Variants in BANK1 observed in about 807,000 individuals in gnomAD.
BANK1 encodes B cell scaffold protein with ankyrin repeats 1.
A neutral mutation model predicts 94.5 loss-of-function variants in BANK1; 95 were observed. The ratio of observed to expected loss-of-function variants is 1.00; its 90% CI spans 0.85 to 1.19. The LOEUF is 1.19. BANK1 is among the 50% of genes most tolerant of loss of function. The pLI is 0.00. For synonymous variants in BANK1, 334 were observed against 308.4 expected (o/e 1.08, Z -0.87); for missense variants, 987 against 932.2 (o/e 1.06, Z -0.77).
intron 6 of BANK1, among the ~76,000 whole-genome samples, chr4:101,901,206 A>G (rs1182466912): frequency 6.6e-6 from 1 of 152,226 alleles, no homozygotes; most frequent in East Asian, 1.9e-4. Context: ...CAGTACCAAT[A>G]GGTATTATTT....
At chr4:101,952,708 C>T (rs748535788) in intron 7 of BANK1, among the ~76,000 whole-genome samples, 1 of 152,024 alleles carries the variant, frequency 6.6e-6, no homozygotes, top group Non-Finnish European at 1.5e-5. Context: ...ACGGCAAATC[C>T]ATGAGGCAGG....
intron 11 of BANK1, among the ~76,000 whole-genome samples, chr4:102,053,884 TA>T (rs573644460): frequency 1.3e-5 from 2 of 151,742 alleles, no homozygotes; most frequent in African/African-American, 2.4e-5. Context: ...ACTTTATTAA[TA>T]AAAAAAGATA....
At chr4:101,957,777 T>G (rs1724396371) in intron 7 of BANK1, among the ~76,000 whole-genome samples, 1 of 152,172 alleles carries the variant, frequency 6.6e-6, no homozygotes, top group African/African-American at 2.4e-5. Flanking sequence ...TTCTCCACTC[T>G]GTGTTTGTGA....
In BANK1 at chr4:102,009,553, A is replaced by G. The variant is rs960247343; in HGVS notation, c.1207-11961A>G. ...TGATTCTTGATTTATAGTAATTGTT[A>G]GGTGACTTGCCACATTCCTCCTTGT... On this transcript the variant is annotated intron_variant, in intron 7 of 16. Coordinates refer to ENST00000322953, the MANE Select transcript of BANK1 (RefSeq NM_017935.5). 4.6e-5 allele frequency among the ~76,000 whole-genome samples: 7 copies of G among 152,320 alleles called. No individual in the cohort carries two copies. The East Asian group carries it at 9.6e-4, about 21-fold the overall frequency.
intron 1 of BANK1, among the ~76,000 whole-genome samples, chr4:101,792,457 GTGTGTGTGTGTGT>G (rs1310045023): frequency 2.0e-5 from 2 of 98,432 alleles, no homozygotes; most frequent in Non-Finnish European, 4.9e-5. Flanking sequence ...GTGTGTGTGT[GTGTGTGTGTGTGT>G]TTTTTTTTTT....
chr4:101,797,472 T>C (rs1725196350), intron 1 of BANK1, among the ~76,000 whole-genome samples: 1 of 152,150 alleles, frequency 6.6e-6, no homozygotes, highest in African/African-American at 2.4e-5. Flanking sequence ...CTTGATACAA[T>C]TAATTGGAAA....
intron 11 of BANK1, among the ~76,000 whole-genome samples, chr4:102,057,568 C>T (rs1181655382): frequency 1.3e-5 from 2 of 152,074 alleles, no homozygotes; most frequent in Non-Finnish European, 2.9e-5. Context: ...TTGGCTCAAC[C>T]AATCCACCTG....
intron 13 of BANK1, among the ~76,000 whole-genome samples, chr4:102,066,423 A>AT (rs1476383893): frequency 6.6e-6 from 1 of 151,878 alleles, no homozygotes; most frequent in Non-Finnish European, 1.5e-5. Flanking sequence ...CGCCCGGCTA[A>AT]TTTTTTCTAT....
chr4:102,074,290 TAAAAG>T lies in BANK1; in HGVS notation c.*296_*300del, dbSNP rs1728852611. ...AACAGCTAATTTCCATTTTGAAAAT[TAAAAG>T]AAAACAGCACAGAGAAGTTAAATGC... On this transcript the variant is annotated 3_prime_UTR_variant, in exon 17 of 17. Coordinates refer to ENST00000322953, the MANE Select transcript of BANK1 (RefSeq NM_017935.5). 4 of 152,286 alleles carry T rather than the reference TAAAAG, an allele frequency of 2.6e-5. No homozygotes were observed. Among genetic ancestry groups the T allele is most frequent in the Non-Finnish European group, 5.9e-5 (4 of 68,084 alleles). 9.4% of individuals were successfully genotyped at this position (152,286 alleles called of 1,614,324 possible). A position where few individuals can be genotyped will look rare whatever the true frequency, so the allele number is the denominator to read the frequency against.
chr4:101,806,346 T>TA (rs999938733), intron 1 of BANK1, among the ~76,000 whole-genome samples: 11 of 27,824 alleles, frequency 4.0e-4, no homozygotes, highest in Admixed American at 1.9e-3. Context: ...ATACAATGTT[T>TA]AAAAAAAAAT....
chr4:101,919,665 AAT>A (rs1722938352), intron 7 of BANK1, among the ~76,000 whole-genome samples: 2 of 151,946 alleles, frequency 1.3e-5, no homozygotes, highest in South Asian at 4.1e-4. Context: ...TCTTGTGTGA[AAT>A]ATGTTACATA....
At chr4:101,864,537 C>T (rs1034684286) in intron 4 of BANK1, among the ~76,000 whole-genome samples, 16 of 152,116 alleles carry the variant, frequency 1.1e-4, no homozygotes, top group Non-Finnish European at 5.9e-5. Context: ...TTCTTGAACC[C>T]ATTAGAGAAC....
chr4:101,815,667 T>C (rs1254133877), intron 1 of BANK1, among the ~76,000 whole-genome samples: 2 of 152,058 alleles, frequency 1.3e-5, no homozygotes, highest in Non-Finnish European at 2.9e-5. Context: ...ATTTAAAAAT[T>C]AATAGGTTTT....
At chr4:102,037,283 C>T (rs1211238550) in intron 10 of BANK1, among the ~76,000 whole-genome samples, 1 of 152,148 alleles carries the variant, frequency 6.6e-6, no homozygotes, top group East Asian at 1.9e-4. Context: ...AAAGAATTAT[C>T]CAGTCTAAAG....
At chr4:101,896,175 G>A (rs1378200309) in intron 6 of BANK1, among the ~76,000 whole-genome samples, 1 of 151,194 alleles carries the variant, frequency 6.6e-6, no homozygotes, top group Non-Finnish European at 1.5e-5. Flanking sequence ...TCATCGTGAG[G>A]TCAGTAGTAT....
At chr4:101,891,013 C>T (rs1035173489) in intron 5 of BANK1, among the ~76,000 whole-genome samples, 7 of 151,826 alleles carry the variant, frequency 4.6e-5, no homozygotes, top group Non-Finnish European at 1.0e-4. Context: ...AGTGTTATAC[C>T]TTATCTTTAA....
rs149714520 is a variant in BANK1 at position 101,901,106 on chromosome 4, T to G, written c.1009+5696T>G. ...TTGTGATATACACAACACCATCCATTAATGCTAGAAATGTACCCCCATGGA... is the reference window on the plus strand; with the variant it reads ...TTGTGATATACACAACACCATCCATGAATGCTAGAAATGTACCCCCATGGA... On this transcript the variant is annotated intron_variant, in intron 6 of 16. Transcript: ENST00000322953. 4.1e-3 allele frequency among the ~76,000 whole-genome samples: 619 copies of G among 152,330 alleles called. 4 individuals carry two copies. Among genetic ancestry groups the G allele is most frequent in the African/African-American group, 0.013 (561 of 41,570 alleles).
intron 1 of BANK1, 141 bp from the exon 2 acceptor site, chr4:101,829,667 T>C (rs1233202994): frequency 2.3e-6 from 1 of 440,748 alleles, no homozygotes; most frequent in African/African-American, 2.0e-5. Flanking sequence ...TTTTTTATAC[T>C]ATGAAGGACT....
intron 5 of BANK1, among the ~76,000 whole-genome samples, chr4:101,882,524 A>G (rs1161783461): frequency 6.6e-6 from 1 of 152,118 alleles, no homozygotes; most frequent in African/African-American, 2.4e-5. Context: ...AGATAGTACC[A>G]CTCTTTCAAA....
Sources: allele counts gnomAD v4.1 joint callset (sites outside exome capture counted in the v4.1 genomes callset), GRCh38; gene constraint gnomAD v4.1.1; transcripts MANE v1.5; gene names NCBI Gene and HGNC (gene_info 2026-07-23, HGNC 2026-07-21).